PKN2: variants seen among roughly 807,000 people sequenced by gnomAD.
The protein encoded by PKN2 is serine/threonine-protein kinase N2.
Under a neutral mutation model 119.1 loss-of-function variants are expected in PKN2, and 38 were observed. That is an observed-to-expected ratio of 0.32 (90% CI 0.25 to 0.42). The LOEUF is 0.42. Among genes scored for constraint, PKN2 ranks in the 10% least tolerant of loss-of-function variants. PKN2 has a pLI of 1.00. For missense variants in PKN2, 850 were observed against 1,165.1 expected, an observed-to-expected ratio of 0.73 and a Z score of 3.94; for synonymous variants, 390 against 384.9, an observed-to-expected ratio of 1.01 and a Z score of -0.15.
chr1:88,737,603 C>T (rs1668405838), intron 1 of PKN2, among the ~76,000 whole-genome samples: 1 of 152,150 alleles, frequency 6.6e-6, no homozygotes, highest in South Asian at 2.1e-4. Context: ...TCACTCATGG[C>T]TTGAGGCTAC....
intron 1 of PKN2, among the ~76,000 whole-genome samples, chr1:88,734,685 T>C (rs1332418548): frequency 6.6e-6 from 1 of 152,220 alleles, no homozygotes; most frequent in African/African-American, 2.4e-5. Context: ...TGTTCTCTTG[T>C]TGTCTTTCTT....
intron 11 of PKN2, 72 bp downstream of exon 11, chr1:88,805,743 G>A (rs1325429999): frequency 6.3e-7 from 1 of 1,599,100 alleles, no homozygotes; most frequent in Non-Finnish European, 8.5e-7. Flanking sequence ...ATTATAGCAG[G>A]TGTACTGAGT....
chr1:88,825,750 G>C (rs143552042), intron 18 of PKN2, among the ~76,000 whole-genome samples: 12 of 152,180 alleles, frequency 7.9e-5, no homozygotes, highest in African/African-American at 2.9e-4. Flanking sequence ...ATTGCTTAAG[G>C]AGTCCATATA....
intron 15 of PKN2, among the ~76,000 whole-genome samples, chr1:88,808,318 T>C (rs958784294): frequency 1.3e-5 from 2 of 152,150 alleles, no homozygotes; most frequent in African/African-American, 4.8e-5. Flanking sequence ...TTTATTTATT[T>C]ATTTTTTGAG....
Position 88,833,353 on chromosome 1 carries a change from G to A in PKN2, c.2860G>A (p.Ala954Thr), listed in dbSNP as rs1416464537. The change falls in exon 22 of 22, where the codon GCA becomes ACA. Residue 954 changes from alanine to threonine, a missense_variant. Physicochemically the swap from Ala to Thr is moderately conservative, Grantham distance 58. This residue lies in a region of PKN2 where 52 missense variants were observed against 39.9 expected (regional missense o/e 1.30). Coordinates refer to ENST00000370521, the MANE Select transcript of PKN2 (RefSeq NM_006256.4). ...SNFDDEFTSE[A>T]PILTPPREPR... Reference sequence around the variant, plus strand: ...TTTTGATGATGAATTTACCTCAGAAGCACCTATTCTGACTCCACCTCGAGA... The same window carrying A: ...TTTTGATGATGAATTTACCTCAGAAACACCTATTCTGACTCCACCTCGAGA... 6.2e-7 allele frequency: 1 copy of A among 1,612,722 alleles called. No homozygotes were observed. The highest frequency in any genetic ancestry group is 1.1e-5 in the South Asian group (1 of 91,050).
chr1:88,706,828 T>G (rs1174455387), intron 1 of PKN2, among the ~76,000 whole-genome samples: 1 of 152,158 alleles, frequency 6.6e-6, no homozygotes, highest in Non-Finnish European at 1.5e-5. Flanking sequence ...GACCCATAGG[T>G]TAATGAGCAG....
chr1:88,784,153 T>TTA (rs1670471435), intron 6 of PKN2, among the ~76,000 whole-genome samples: 1 of 128,288 alleles, frequency 7.8e-6, no homozygotes, highest in Non-Finnish European at 1.7e-5. Flanking sequence ...TTTTTTTTTT[T>TTA]TGGAGAGAGA....
chr1:88,797,166 T>G (rs963366485), intron 8 of PKN2, among the ~76,000 whole-genome samples: 3 of 151,434 alleles, frequency 2.0e-5, no homozygotes, highest in African/African-American at 7.3e-5. Context: ...AAACCCCATC[T>G]CTACTAAAAA....
chr1:88,719,707 AAATT>A (rs1225345165), intron 1 of PKN2, among the ~76,000 whole-genome samples: 1 of 152,200 alleles, frequency 6.6e-6, no homozygotes, highest in African/African-American at 2.4e-5. Context: ...GATCTATTCT[AAATT>A]AATCGTATAC....
intron 11 of PKN2, 76 bp downstream of exon 11, chr1:88,805,747 A>C (rs778578261): frequency 3.1e-6 from 5 of 1,598,826 alleles, no homozygotes; most frequent in Non-Finnish European, 4.3e-6. Flanking sequence ...TAGCAGGTGT[A>C]CTGAGTCTTG....
At chr1:88,713,216 A>G (rs191225062) in intron 1 of PKN2, among the ~76,000 whole-genome samples, 1 of 152,310 alleles carries the variant, frequency 6.6e-6, no homozygotes, top group East Asian at 1.9e-4. Context: ...GCTATTGTGA[A>G]TAGTGCTGCA....
At chr1:88,712,142 TC>T (rs1667260999) in intron 1 of PKN2, among the ~76,000 whole-genome samples, 1 of 152,124 alleles carries the variant, frequency 6.6e-6, no homozygotes, top group Non-Finnish European at 1.5e-5. Context: ...ACAACTGTTT[TC>T]CAATATGATC....
chr1:88,784,902 G>T, intron 7 of PKN2, 78 bp downstream of exon 7: 1 of 683,110 alleles, frequency 1.5e-6, no homozygotes, highest in Non-Finnish European at 2.3e-6. Flanking sequence ...GTTCAAGTTG[G>T]ACAAAACACT....
At chr1:88,825,465 C>T (rs751298274) in intron 18 of PKN2, among the ~76,000 whole-genome samples, 4 of 152,102 alleles carry the variant, frequency 2.6e-5, no homozygotes, top group Admixed American at 2.0e-4. Context: ...ATTTATTTTC[C>T]GCCGGTAGTC....
intron 1 of PKN2, among the ~76,000 whole-genome samples, chr1:88,724,410 C>G (rs1210079472): frequency 6.6e-6 from 1 of 152,042 alleles, no homozygotes; most frequent in Non-Finnish European, 1.5e-5. Context: ...GCAAATGTCT[C>G]TTGTTACATA....
chr1:88,776,663 G>A (rs1421675523), intron 6 of PKN2, among the ~76,000 whole-genome samples: 2 of 151,570 alleles, frequency 1.3e-5, no homozygotes, highest in Non-Finnish European at 2.9e-5. Context: ...TCGTTTGAAC[G>A]CGGGAGGCGG....
chr1:88,684,995 T>G, intron 1 of PKN2: 1 of 197,942 alleles, frequency 5.1e-6, no homozygotes, highest in East Asian at 1.1e-4. Context: ...CCCCCTCCCT[T>G]CGCGCGGCCG....
intron 16 of PKN2, among the ~76,000 whole-genome samples, chr1:88,818,669 A>C (rs966337778): frequency 6.6e-6 from 1 of 151,696 alleles, no homozygotes; most frequent in African/African-American, 2.4e-5. Context: ...AAAAAGAAAA[A>C]GAAGAAACTA....
intron 2 of PKN2, among the ~76,000 whole-genome samples, chr1:88,759,463 A>C (rs1285267564): frequency 5.3e-5 from 8 of 152,122 alleles, no homozygotes; most frequent in Admixed American, 3.3e-4. Context: ...TTTAATGTGC[A>C]TGTTGGCCAC....
Sources: gnomAD v4.1 joint callset for allele counts (sites outside exome capture counted in the v4.1 genomes callset) on GRCh38, gnomAD v4.1.1 for gene constraint, gnomAD v4.1.1 regional missense constraint, MANE v1.5 for transcripts, NCBI Gene and HGNC (gene_info 2026-07-23, HGNC 2026-07-21) for gene names.